DIXDC1: variants seen among roughly 807,000 people sequenced by gnomAD.
DIXDC1 encodes dixin.
A neutral mutation model predicts 103.1 loss-of-function variants in DIXDC1; 64 were observed. The ratio of observed to expected loss-of-function variants is 0.62; its 90% CI spans 0.51 to 0.76. The LOEUF (loss-of-function observed/expected upper bound fraction) is 0.76, where lower values mean the gene tolerates loss of function less well. DIXDC1 is among the 30% of genes least tolerant of loss of function. The probability of loss-of-function intolerance (pLI) is 0.00; values close to 1 mark genes in which losing one functional copy is unlikely to be tolerated. For synonymous variants in DIXDC1, 266 were observed against 298.5 expected, an observed-to-expected ratio of 0.89 and a Z score of 1.12; for missense variants, 759 against 834.2, an observed-to-expected ratio of 0.91 and a Z score of 1.11.
In DIXDC1 at chr11:111,937,380, C is replaced by A; in HGVS notation, c.-120C>A. On this transcript the variant is annotated 5_prime_UTR_variant, in exon 1 of 20. Transcript: ENST00000440460. ...GTCTAGGTTTCCAGTAAGTGGCATG[C>A]GGGACTCCGGAGGGATCCCAATGAG... The A allele has an allele frequency of 2.7e-6, 4 of 1,458,612 alleles. No individual in the cohort carries two copies. Among genetic ancestry groups the A allele is most frequent in the South Asian group, 1.4e-5 (1 of 69,784 alleles). 90.4% of individuals were successfully genotyped at this position (1,458,612 alleles called of 1,614,324 possible).
chr11:111,961,958 G>A (rs1555171131), intron 1 of DIXDC1, among the ~76,000 whole-genome samples: 1 of 152,056 alleles, frequency 6.6e-6, no homozygotes, highest in East Asian at 1.9e-4. Flanking sequence ...GAAGCTTGGG[G>A]TTCAGGTTGG....
chr11:111,953,682 A>G (rs1555170295), intron 1 of DIXDC1, among the ~76,000 whole-genome samples: 2 of 152,182 alleles, frequency 1.3e-5, no homozygotes, highest in African/African-American at 4.8e-5. Flanking sequence ...GCTAACCAAA[A>G]ATGAACTACA....
chr11:111,995,517 A>G lies in DIXDC1; in HGVS notation c.1642A>G (p.Met548Val). Residue 548 changes from methionine to valine, a missense_variant, in exon 16 of 20, where the codon ATG (methionine) becomes GTG (valine). Around this residue, in one of 3 missense-constraint regions of DIXDC1, gnomAD observed 657 missense variants for 727.5 expected, o/e 0.90. Coordinates refer to ENST00000440460, the MANE Select transcript of DIXDC1 (RefSeq NM_001037954.4). Reference sequence around the variant, plus strand: ...CTTGGAGCAGGGCATTTCTAGCCTCATGGAGCGCCTGCATGTTATGGAGAC... The same window carrying G: ...CTTGGAGCAGGGCATTTCTAGCCTCGTGGAGCGCCTGCATGTTATGGAGAC... ...DSLEQGISSL[M>V]ERLHVMETQK... 3 of 1,614,022 alleles carry G rather than the reference A, an allele frequency of 1.9e-6. No individual in the cohort carries two copies. Among genetic ancestry groups the G allele is most frequent in the East Asian group, 2.2e-5 (1 of 44,888 alleles).
At chr11:111,983,552 A>T (rs1394921330) in intron 7 of DIXDC1, among the ~76,000 whole-genome samples, 1 of 152,118 alleles carries the variant, frequency 6.6e-6, no homozygotes, top group East Asian at 1.9e-4. Flanking sequence ...CCTTAATGGA[A>T]TGTTTTTGTG....
rs1254448542 is a variant in DIXDC1 at position 111,989,067 on chromosome 11, G to T, written c.1113+12G>T. On this transcript the variant is annotated intron_variant, in intron 10 of 19. Transcript: ENST00000440460. The stretch of plus-strand genomic sequence containing the variant: ...TACAGGGGATAAAGGTAAAAAAGAA[G>T]ACATTTAATTCTTTAAATAAAGTCT... The T allele has an allele frequency of 2.5e-6, 4 of 1,594,534 alleles. No homozygotes were observed. The African/African-American group carries it at 5.4e-5, about 22-fold the overall frequency.
intron 3 of DIXDC1, among the ~76,000 whole-genome samples, chr11:111,969,871 A>G (rs587688084): frequency 2.0e-5 from 3 of 152,300 alleles, no homozygotes; most frequent in South Asian, 2.1e-4. Context: ...AGCCAGAGCA[A>G]TCAGGCAAGA....
At chr11:111,942,788 C>A (rs1555168994) in intron 1 of DIXDC1, among the ~76,000 whole-genome samples, 1 of 152,186 alleles carries the variant, frequency 6.6e-6, no homozygotes, top group Non-Finnish European at 1.5e-5. Flanking sequence ...ATATATTAAT[C>A]TTCCCTTATC....
chr11:111,971,903 T>C (rs1859948837), intron 3 of DIXDC1, among the ~76,000 whole-genome samples: 1 of 152,184 alleles, frequency 6.6e-6, no homozygotes, highest in East Asian at 1.9e-4. Context: ...TACTTATAAT[T>C]GGGAACTAAA....
intron 2 of DIXDC1, among the ~76,000 whole-genome samples, chr11:111,930,849 C>CTTT (rs782075106): frequency 1.3e-4 from 15 of 116,818 alleles, no homozygotes; most frequent in Admixed American, 2.5e-4. Flanking sequence ...TCTTTCTTTC[C>CTTT]TTTTTTTTTT....
intron 2 of DIXDC1, among the ~76,000 whole-genome samples, chr11:111,931,388 G>A (rs587701218): frequency 2.2e-4 from 34 of 151,342 alleles, no homozygotes; most frequent in Middle Eastern, 3.4e-3. Context: ...GGTGGCTCAC[G>A]CCTGTAATCC....
At chr11:111,954,415 C>T (rs1170485281) in intron 1 of DIXDC1, among the ~76,000 whole-genome samples, 2 of 152,184 alleles carry the variant, frequency 1.3e-5, no homozygotes, top group Non-Finnish European at 2.9e-5. Context: ...AAGCTTCACT[C>T]TGTGGCCCGG....
rs782080313 is a variant in DIXDC1 at position 112,017,770 on chromosome 11, G to A, written c.1863-7G>A. 2.5e-6 allele frequency: 4 copies of A among 1,603,418 alleles called. No individual in the cohort carries two copies. The South Asian group carries it at 3.4e-5, about 13-fold the overall frequency. On this transcript the variant is annotated splice_region_variant and splice_polypyrimidine_tract_variant and intron_variant, in intron 18 of 19. Transcript: ENST00000440460. This position sits in a 1 kb window ranked among gnomAD's most constrained non-coding sequence, Gnocchi z 4.0. The stretch of plus-strand genomic sequence containing the variant: ...GTCTATTTTAGTGCTCTCTCCTTGT[G>A]TTGCAGGTTGGAGGAGGTGACGTTA...
intron 17 of DIXDC1, among the ~76,000 whole-genome samples, chr11:112,004,265 CCTT>C (rs1392069171): frequency 6.6e-6 from 1 of 152,058 alleles, no homozygotes; most frequent in African/African-American, 2.4e-5. Context: ...CTCCCTCCCT[CCTT>C]CATGGAGCAA....
intron 17 of DIXDC1, among the ~76,000 whole-genome samples, chr11:112,002,307 C>T (rs1555176095): frequency 1.3e-5 from 2 of 150,772 alleles, no homozygotes; most frequent in African/African-American, 4.9e-5. Flanking sequence ...AAGGGGAATG[C>T]TTATTATGCA....
chr11:111,997,488 A>C (rs1860940390), intron 17 of DIXDC1, among the ~76,000 whole-genome samples: 1 of 152,156 alleles, frequency 6.6e-6, no homozygotes, highest in Non-Finnish European at 1.5e-5. Context: ...GACGTGCACT[A>C]CCACGCCTGG....
chr11:111,991,352 T>C (rs914423315), intron 10 of DIXDC1, among the ~76,000 whole-genome samples: 4 of 152,214 alleles, frequency 2.6e-5, no homozygotes, highest in African/African-American at 7.2e-5. Context: ...TTTTCTCCCA[T>C]GTAACATCAT....
rs1860272075 is a variant in DIXDC1 at position 111,980,795 on chromosome 11, G to T, written c.715G>T (p.Glu239Ter). The T allele has an allele frequency of 6.2e-7, 1 of 1,613,888 alleles. No homozygotes were observed. Among genetic ancestry groups the T allele is most frequent in the African/African-American group, 1.3e-5 (1 of 74,926 alleles). ...GAGCGAGTCCATTATAACCCAGTCA[G>T]AAGAGAAGGCAGATTTTGTGATTAT... ...AKSESIITQSEEKADFVIIPA... is the reference protein window; with the variant it reads ...AKSESIITQS Residue 239 changes from glutamate (E) to a stop codon, truncating the protein, a stop_gained, in exon 6 of 20, where the codon GAA (glutamate) becomes TAA (stop). Coordinates refer to ENST00000440460, the MANE Select transcript of DIXDC1 (RefSeq NM_001037954.4). LOFTEE classifies it high-confidence loss of function.
rs1859452564 is a variant in DIXDC1 at position 111,958,235 on chromosome 11, C to T, written c.61-6314C>T. 6.6e-6 allele frequency among the ~76,000 whole-genome samples: 1 copy of T among 151,862 alleles called. No homozygotes were observed. The highest frequency in any genetic ancestry group is 2.4e-5 in the African/African-American group (1 of 41,342). ...CAGCCACCCAAACCATGGCTGTGGACCAGGCATCCCTGTGCTCTTGGGGGC... is the reference window on the plus strand; with the variant it reads ...CAGCCACCCAAACCATGGCTGTGGATCAGGCATCCCTGTGCTCTTGGGGGC... On this transcript the variant is annotated intron_variant, in intron 1 of 19. Coordinates refer to ENST00000440460, the MANE Select transcript of DIXDC1 (RefSeq NM_001037954.4). This position sits in a 1 kb window ranked among gnomAD's most constrained non-coding sequence, Gnocchi z 4.2.
chr11:111,991,873 T>G (rs782793072), intron 10 of DIXDC1, among the ~76,000 whole-genome samples: 2 of 152,180 alleles, frequency 1.3e-5, no homozygotes, highest in Non-Finnish European at 2.9e-5. Flanking sequence ...ATTTCAGGGA[T>G]TCTTTAACAA....
Sources: allele counts gnomAD v4.1 joint callset (sites outside exome capture counted in the v4.1 genomes callset), GRCh38; gene constraint gnomAD v4.1.1; regional missense constraint gnomAD v4.1.1; non-coding constraint Gnocchi (gnomAD v3.1); transcripts MANE v1.5; gene names NCBI Gene and HGNC (gene_info 2026-07-23, HGNC 2026-07-21).